CELF2: variants seen among roughly 807,000 people sequenced by gnomAD.
The protein encoded by CELF2 is CUG triplet repeat RNA-binding protein 2.
In CELF2, 8 loss-of-function variants were observed where a neutral mutation model predicts 62.6. The ratio of observed to expected loss-of-function variants is 0.13; its 90% confidence interval spans 0.07 to 0.23. The LOEUF (loss-of-function observed/expected upper bound fraction) is 0.23. Among genes scored for constraint, CELF2 ranks in the 10% least tolerant of loss-of-function variants. CELF2 has a pLI of 1.00. For synonymous variants in CELF2, 258 were observed against 250.0 expected, an observed-to-expected ratio of 1.03 and a Z score of -0.30; for missense variants, 333 against 671.0, an observed-to-expected ratio of 0.50 and a Z score of 5.56.
At position 10,959,872 on chromosome 10, in the gene CELF2, C is replaced by A. The variant is rs147926120; in HGVS notation, c.89+39873C>A. Among the ~76,000 whole-genome samples, 42 of 152,328 alleles carry A rather than the reference C, an allele frequency of 2.8e-4. No homozygotes were observed. The East Asian group carries it at 7.3e-3, about 27-fold the overall frequency. The stretch of plus-strand genomic sequence containing the variant: ...AGCATGGGGTAGGTGTGAACCGTTA[C>A]AACATTGAATTATCGTTTTCCTTTT... On this transcript the variant is annotated intron_variant, in intron 2 of 13. Transcript: ENST00000636488.
At chr10:10,531,126 A>G in the CELF2 span, among the ~76,000 whole-genome samples, 2 of 152,236 alleles carry the variant, frequency 1.3e-5, no homozygotes, top group Non-Finnish European at 2.9e-5. Context: ...TACTAGCCAC[A>G]TCTTCGAAAG....
rs2060592374 is a variant in CELF2, at chr10:11,207,026, A to G, written c.272-10399A>G. Among the ~76,000 whole-genome samples, 1 of 152,250 alleles carries G rather than the reference A, an allele frequency of 6.6e-6. No individual in the cohort carries two copies. The highest frequency in any genetic ancestry group is 6.5e-5 in the Admixed American group (1 of 15,290). On this transcript the variant is annotated intron_variant, in intron 2 of 12. Transcript: ENST00000633077. The surrounding 1 kb of genome is among the most constrained non-coding windows in gnomAD (Gnocchi z 4.1). Reference sequence around the variant, plus strand: ...CCAATGCTTTCATAGCTATTAGACAATTGAAATGGTTTAACATAAGTGTCT... The same window carrying G: ...CCAATGCTTTCATAGCTATTAGACAGTTGAAATGGTTTAACATAAGTGTCT...
chr10:10,647,490 A>G, the CELF2 span, among the ~76,000 whole-genome samples: 1 of 152,230 alleles, frequency 6.6e-6, no homozygotes, highest in African/African-American at 2.4e-5. Context: ...CCATTGTTCC[A>G]CAGCCAAAGG....
chr10:11,216,912 T>C (rs576165760), intron 2 of CELF2, among the ~76,000 whole-genome samples: 2 of 152,266 alleles, frequency 1.3e-5, no homozygotes, highest in African/African-American at 4.8e-5. Flanking sequence ...TACAGAACTT[T>C]ACATCATGTA....
chr10:11,086,758 C>T (rs897594153), intron 1 of CELF2, among the ~76,000 whole-genome samples: 11 of 152,222 alleles, frequency 7.2e-5, no homozygotes, highest in South Asian at 2.1e-4. Context: ...TTCCTAATCA[C>T]GCACATAAAG....
chr10:11,270,450 G>A lies in CELF2; in HGVS notation c.619-216G>A, dbSNP rs538493403. On this transcript the variant is annotated intron_variant, in intron 6 of 12. Transcript: ENST00000633077. The surrounding 1 kb of genome is among the most constrained non-coding windows in gnomAD (Gnocchi z 5.8). ...GAGCAAGAAAGCAAGTGACTTCACC[G>A]ACCACCAGATCCCCCAAAGAAACCA... Among the ~76,000 whole-genome samples, 3 of 152,262 alleles carry A rather than the reference G, an allele frequency of 2.0e-5. No individual in the cohort carries two copies. The highest frequency in any genetic ancestry group is 1.9e-4 in the East Asian group (1 of 5,184).
chr10:10,581,882 G>T, the CELF2 span, among the ~76,000 whole-genome samples: 1 of 152,098 alleles, frequency 6.6e-6, no homozygotes, highest in Non-Finnish European at 1.5e-5. Context: ...ACAAAAATTA[G>T]TTGGGCATGG....
chr10:10,813,583 A>G (rs1473317141), intron 1 of CELF2, among the ~76,000 whole-genome samples: 1 of 152,214 alleles, frequency 6.6e-6, no homozygotes, highest in Non-Finnish European at 1.5e-5. Context: ...GGCTGCCATT[A>G]TTATTGTCGT....
intron 2 of CELF2, among the ~76,000 whole-genome samples, chr10:10,991,336 G>A (rs1298301990): frequency 6.6e-6 from 1 of 152,178 alleles, no homozygotes; most frequent in Non-Finnish European, 1.5e-5. Flanking sequence ...CTCCTAAGAA[G>A]CAATTCTGAT....
the CELF2 span, among the ~76,000 whole-genome samples, chr10:10,486,912 T>G: frequency 6.6e-6 from 1 of 152,128 alleles, no homozygotes; most frequent in Admixed American, 6.6e-5. Flanking sequence ...CAGAGAGGAA[T>G]TACTATAAAA....
chr10:11,279,320 C>T (rs2087381526), intron 8 of CELF2, among the ~76,000 whole-genome samples: 1 of 152,072 alleles, frequency 6.6e-6, no homozygotes, highest in Non-Finnish European at 1.5e-5. Flanking sequence ...TGCTTAAAAC[C>T]ATGAAGCAGC....
chr10:10,738,123 A>G, the CELF2 span, among the ~76,000 whole-genome samples: 1 of 152,170 alleles, frequency 6.6e-6, no homozygotes, highest in Non-Finnish European at 1.5e-5. Context: ...TGCTTTATGT[A>G]TATTTTGACC....
chr10:10,565,238 C>A, the CELF2 span, among the ~76,000 whole-genome samples: 1 of 152,182 alleles, frequency 6.6e-6, no homozygotes, highest in Non-Finnish European at 1.5e-5. Context: ...TGAACAAGTC[C>A]CTTGCAGCCT....
chr10:10,601,725 CTT>C, the CELF2 span, among the ~76,000 whole-genome samples: 15 of 139,964 alleles, frequency 1.1e-4, no homozygotes, highest in Admixed American at 7.2e-5. Context: ...TGGGTTCATT[CTT>C]TTTTTTTTTT....
intron 1 of CELF2, among the ~76,000 whole-genome samples, chr10:11,059,244 T>C (rs1032908085): frequency 1.3e-5 from 2 of 152,234 alleles, no homozygotes; most frequent in Non-Finnish European, 2.9e-5. Context: ...GAAATACACA[T>C]TCTATTCCTT....
chr10:11,321,183 G>A lies in CELF2; in HGVS notation c.1097-6G>A, dbSNP rs1591512334. 6.2e-7 allele frequency: 1 copy of A among 1,613,806 alleles called. No individual in the cohort carries two copies. The highest frequency in any genetic ancestry group is 8.5e-7 in the Non-Finnish European group (1 of 1,179,848). On this transcript the variant is annotated splice_polypyrimidine_tract_variant and splice_region_variant and intron_variant, in intron 10 of 12. Coordinates refer to ENST00000633077, the MANE Select transcript of CELF2 (RefSeq NM_001326342.2). The surrounding 1 kb of genome is among the most constrained non-coding windows in gnomAD (Gnocchi z 6.2). ...TCTCTTCTCTATTGTTGGGTTTTTT[G>A]TAAAGTTGCTCAAATGCTCTCAGGT...
the CELF2 span, among the ~76,000 whole-genome samples, chr10:10,512,728 A>G: frequency 6.6e-5 from 10 of 152,148 alleles, no homozygotes; most frequent in Non-Finnish European, 1.0e-4. Flanking sequence ...AACTCTTAAC[A>G]GGATCAATTA....
rs942621493 is a variant in CELF2, at chr10:11,246,197, G to A, written c.355-2956G>A. Among the ~76,000 whole-genome samples, 11 of 152,072 alleles carry A rather than the reference G, an allele frequency of 7.2e-5. No individual in the cohort carries two copies. The East Asian group carries it at 1.9e-3, about 27-fold the overall frequency. On this transcript the variant is annotated intron_variant, in intron 3 of 12. Coordinates refer to ENST00000633077, the MANE Select transcript of CELF2 (RefSeq NM_001326342.2). This position sits in a 1 kb window ranked among gnomAD's most constrained non-coding sequence, Gnocchi z 4.6. ...TTTTTTATGTGGATGCGTATCGACCGCCATGATAGACTGCACACTCCCTGT... is the reference window on the plus strand; with the variant it reads ...TTTTTTATGTGGATGCGTATCGACCACCATGATAGACTGCACACTCCCTGT...
chr10:10,988,290 T>TAGAG (rs1174914464), intron 2 of CELF2, among the ~76,000 whole-genome samples: 2 of 149,678 alleles, frequency 1.3e-5, no homozygotes, highest in Non-Finnish European at 2.9e-5. Context: ...TATATATATA[T>TAGAG]ATATAGAGAG....
Sources: gnomAD v4.1 joint callset for allele counts (sites outside exome capture counted in the v4.1 genomes callset) on GRCh38, gnomAD v4.1.1 for gene constraint, Gnocchi (gnomAD v3.1) non-coding constraint, MANE v1.5 for transcripts, NCBI Gene and HGNC (gene_info 2026-07-23, HGNC 2026-07-21) for gene names.